STXBP5L: variants seen among roughly 807,000 people sequenced by gnomAD.
STXBP5L encodes the protein syntaxin binding protein 5L, also known as syntaxin-binding protein 5-like.
STXBP5L carries 65 observed loss-of-function variants against 144.5 expected under a neutral mutation model. That is an observed-to-expected ratio of 0.45 (90% CI 0.37 to 0.55). The LOEUF (loss-of-function observed/expected upper bound fraction) is 0.55. STXBP5L is among the 20% of genes least tolerant of loss of function. The pLI is 0.00. For missense variants in STXBP5L, 1,298 were observed against 1,405.5 expected (o/e 0.92, Z 1.22); for synonymous variants, 505 against 469.6 (o/e 1.08, Z -0.97).
intron 3 of STXBP5L, among the ~76,000 whole-genome samples, chr3:120,992,303 A>C (rs1378811922): frequency 6.6e-6 from 1 of 152,130 alleles, no homozygotes; most frequent in African/African-American, 2.4e-5. Context: ...TGTTGGGAAC[A>C]TTTTAAGTCC....
chr3:121,014,325 C>T (rs1402063733), intron 3 of STXBP5L, among the ~76,000 whole-genome samples: 2 of 151,884 alleles, frequency 1.3e-5, no homozygotes, highest in African/African-American at 4.8e-5. Context: ...CTTACATCAA[C>T]ATCCACCGTA....
At chr3:121,093,497 T>G (rs1419668688) in intron 5 of STXBP5L, among the ~76,000 whole-genome samples, 1 of 152,228 alleles carries the variant, frequency 6.6e-6, no homozygotes, top group Non-Finnish European at 1.5e-5. Flanking sequence ...TGGTTTAGTC[T>G]TGGGAGGGTA....
chr3:120,973,908 A>G (rs1477488316), intron 3 of STXBP5L, among the ~76,000 whole-genome samples: 9 of 152,292 alleles, frequency 5.9e-5, no homozygotes, highest in African/African-American at 1.9e-4. Context: ...TCCATGGTGT[A>G]TATATGCCAC....
At chr3:121,039,605 C>G (rs189348906) in intron 3 of STXBP5L, among the ~76,000 whole-genome samples, 1 of 151,870 alleles carries the variant, frequency 6.6e-6, no homozygotes, top group African/African-American at 2.4e-5. Context: ...CCCTCTTTCA[C>G]ATTCCTTTTA....
chr3:121,044,065 A>C (rs751801506), intron 4 of STXBP5L, among the ~76,000 whole-genome samples: 7 of 152,204 alleles, frequency 4.6e-5, no homozygotes, highest in Non-Finnish European at 1.0e-4. Flanking sequence ...AAACAAACAC[A>C]AAAATTATCA....
At chr3:121,173,588 C>T (rs1331207613) in intron 9 of STXBP5L, among the ~76,000 whole-genome samples, 3 of 151,826 alleles carry the variant, frequency 2.0e-5, no homozygotes, top group Admixed American at 6.6e-5. Flanking sequence ...TGACCAGAAG[C>T]TTTACAAATA....
Position 121,259,092 on chromosome 3 carries a change from G to A in STXBP5L, c.1882G>A (p.Val628Ile). 1 of 1,606,684 alleles carries A rather than the reference G, an allele frequency of 6.2e-7. No homozygotes were observed. The highest frequency in any genetic ancestry group is 8.5e-7 in the Non-Finnish European group (1 of 1,175,626). ...RMPPGYQAEL[V>I]IQLVWVDGEP... is the part of the protein sequence containing the mutation. ...GCCTCCAGGATATCAAGCAGAACTT[G>A]TTATTCAATTGGTGTGGGTAGATGG... Residue 628 changes from valine to isoleucine, a missense_variant, in exon 18 of 27, where the codon GTT (valine) becomes ATT (isoleucine). Physicochemically the swap from Val to Ile is conservative, Grantham distance 29. Transcript: ENST00000471454.
At chr3:121,341,418 G>C (rs1411186408) in intron 20 of STXBP5L, among the ~76,000 whole-genome samples, 1 of 152,036 alleles carries the variant, frequency 6.6e-6, no homozygotes, top group Non-Finnish European at 1.5e-5. Flanking sequence ...ACTGTTGGTG[G>C]GAATGTAAAT....
intron 20 of STXBP5L, among the ~76,000 whole-genome samples, chr3:121,349,569 T>C (rs1397201640): frequency 1.3e-5 from 2 of 151,960 alleles, no homozygotes; most frequent in Admixed American, 6.6e-5. Context: ...TTAAAGTCTC[T>C]CATTATTATT....
At chr3:121,368,201 A>G (rs2045924996) in intron 20 of STXBP5L, among the ~76,000 whole-genome samples, 1 of 151,962 alleles carries the variant, frequency 6.6e-6, no homozygotes, top group Admixed American at 6.6e-5. Flanking sequence ...AGACTTGATA[A>G]TATTCACTTT....
At chr3:121,349,620 G>A (rs1392737330) in intron 20 of STXBP5L, among the ~76,000 whole-genome samples, 1 of 152,072 alleles carries the variant, frequency 6.6e-6, no homozygotes, top group Non-Finnish European at 1.5e-5. Context: ...CTAAGGACTT[G>A]CTTTATGAAT....
intron 20 of STXBP5L, among the ~76,000 whole-genome samples, chr3:121,326,704 A>T (rs1008677883): frequency 1.3e-5 from 2 of 152,068 alleles, no homozygotes; most frequent in Non-Finnish European, 2.9e-5. Context: ...TTATAACTTT[A>T]GCAGGTTTCT....
intron 7 of STXBP5L, among the ~76,000 whole-genome samples, chr3:121,127,486 T>A (rs2044762708): frequency 1.3e-5 from 2 of 151,974 alleles, no homozygotes; most frequent in African/African-American, 4.8e-5. Flanking sequence ...GTTCCTTGAC[T>A]TGTGGCAGTA....
intron 19 of STXBP5L, among the ~76,000 whole-genome samples, chr3:121,312,298 C>A (rs9790039): frequency 2.0e-5 from 3 of 147,834 alleles, no homozygotes; most frequent in African/African-American, 2.5e-5. Flanking sequence ...GACTTCATGT[C>A]TAAAACACCA....
intron 9 of STXBP5L, among the ~76,000 whole-genome samples, chr3:121,186,328 A>G (rs1340135975): frequency 2.0e-5 from 3 of 152,166 alleles, no homozygotes; most frequent in Non-Finnish European, 4.4e-5. Flanking sequence ...AACTTCCAAC[A>G]CTATGTTGAA....
intron 3 of STXBP5L, among the ~76,000 whole-genome samples, chr3:121,030,461 G>A (rs1005721267): frequency 1.3e-5 from 2 of 152,064 alleles, no homozygotes; most frequent in African/African-American, 4.8e-5. Context: ...TTCTCACTCA[G>A]AAGTGGGAGT....
chr3:121,019,517 T>C (rs1245684869), intron 3 of STXBP5L, among the ~76,000 whole-genome samples: 2 of 152,112 alleles, frequency 1.3e-5, no homozygotes, highest in Admixed American at 6.5e-5. Context: ...CAGAGTCCAC[T>C]TCACTCCCCT....
At chr3:120,983,956 C>G (rs1241730702) in intron 3 of STXBP5L, among the ~76,000 whole-genome samples, 1 of 152,230 alleles carries the variant, frequency 6.6e-6, no homozygotes, top group East Asian at 1.9e-4. Flanking sequence ...TCCAGTCAGT[C>G]TCTTAACTGT....
intron 22 of STXBP5L, among the ~76,000 whole-genome samples, chr3:121,384,075 G>A (rs537401258): frequency 6.6e-6 from 1 of 152,016 alleles, no homozygotes; most frequent in Non-Finnish European, 1.5e-5. Flanking sequence ...CCTTAGACTT[G>A]AAAACAGTCT....
Sources: allele counts gnomAD v4.1 joint callset (sites outside exome capture counted in the v4.1 genomes callset), GRCh38; gene constraint gnomAD v4.1.1; transcripts MANE v1.5; gene names NCBI Gene and HGNC (gene_info 2026-07-23, HGNC 2026-07-21).